The following NSMAF variants were observed in gnomAD, a reference collection of about 807,000 sequenced individuals.
The protein encoded by NSMAF is protein FAN.
A neutral mutation model predicts 134.9 loss-of-function variants in NSMAF; 90 were observed. That is an observed-to-expected ratio of 0.67 (90% CI 0.56 to 0.79). The LOEUF (loss-of-function observed/expected upper bound fraction) is 0.79, where lower values mean the gene tolerates loss of function less well. Ranked by LOEUF, NSMAF falls within the 30% of genes least tolerant of loss-of-function variation. The pLI, the probability that NSMAF is intolerant of heterozygous loss-of-function variation, is 0.00. For missense variants in NSMAF, 1,010 were observed against 1,119.0 expected, an observed-to-expected ratio of 0.90 and a Z score of 1.39; for synonymous variants, 358 against 389.6, an observed-to-expected ratio of 0.92 and a Z score of 0.96.
At chr8:58,603,547 A>G (rs1014707268) in intron 12 of NSMAF, among the ~76,000 whole-genome samples, 161 bp from the exon 13 acceptor site, 1 of 152,246 alleles carries the variant, frequency 6.6e-6, no homozygotes, top group Non-Finnish European at 1.5e-5. Flanking sequence ...GTATTTGTTC[A>G]GCTATGTATA....
At chr8:58,586,126 T>G (rs12679938) in intron 28 of NSMAF, 126 bp from the exon 29 acceptor site, 215,157 of 776,552 alleles carry the variant, frequency 0.28, 32,280 homozygotes, top group Non-Finnish European at 0.31. Flanking sequence ...TCCTTGTACT[T>G]AAGCAATGAC....
In NSMAF at chr8:58,586,451, T is replaced by C. The variant is rs200683520; in HGVS notation, c.2446+7A>G. 130 of 1,612,548 alleles carry C rather than the reference T, an allele frequency of 8.1e-5. No individual in the cohort carries two copies. Among genetic ancestry groups the C allele is most frequent in the South Asian group, 4.3e-4 (39 of 91,068 alleles). ...GTATTATCTGTTTTAAAAAGGATAA[T>C]ATCTACCTGGGCTAAAAGCAGTGTC... On this transcript the variant is annotated splice_region_variant and intron_variant, in intron 28 of 30. Transcript: ENST00000038176.
In NSMAF at chr8:58,585,715, CA is replaced by C. The variant is rs1171895122; in HGVS notation, c.2595del (p.Gly866ValfsTer24). On this transcript the variant is annotated frameshift_variant, in exon 30 of 31. Transcript: ENST00000038176. LOFTEE classifies it high-confidence loss of function. ...AGGAGGTCCCAAACGAGCAGTTCAC[CA>C]GACTGACTGCCAGATAAAACGGAAT... ...DGNSVLSGSQ[S>X]GELLVWDLLG... The C allele has an allele frequency of 1.2e-6, 2 of 1,614,146 alleles. No homozygotes were observed. The highest frequency in any genetic ancestry group is 1.7e-5 in the Admixed American group (1 of 60,020).
At chr8:58,640,054 G>C (rs1281677566) in intron 2 of NSMAF, 2 of 455,384 alleles carry the variant, frequency 4.4e-6, no homozygotes, top group African/African-American at 4.0e-5. Context: ...GGAAGAAATG[G>C]GGAGATGCTG....
At position 58,587,696 on chromosome 8, in the gene NSMAF, C is replaced by A. The variant is rs904248740; in HGVS notation, c.2217G>T (p.Trp739Cys). The A allele has an allele frequency of 8.1e-6, 13 of 1,613,864 alleles. No individual in the cohort carries two copies. Among genetic ancestry groups the A allele is most frequent in the Non-Finnish European group, 1.1e-5 (13 of 1,179,784 alleles). ...CTGGCATCTCTGCAGGAACACCAGA[C>A]CACACCTAGGATGGAACATATTGCA... ...SASWDSTVKV[W>C]SGVPAEMPGT... Residue 739 changes from tryptophan (W) to cysteine (C), a missense_variant, in exon 27 of 31, where the codon TGG becomes TGT. Transcript: ENST00000038176.
At chr8:58,654,556 AG>A (rs1311801158) in intron 1 of NSMAF, among the ~76,000 whole-genome samples, 5 of 149,714 alleles carry the variant, frequency 3.3e-5, no homozygotes, top group East Asian at 3.9e-4. Context: ...TTCTCAAAAA[AG>A]AAAAAAAGAA....
At position 58,583,847 on chromosome 8, in the gene NSMAF, AATC is replaced by A. The variant is rs1805823714; in HGVS notation, c.*256_*258del. 2.2e-6 allele frequency: 1 copy of A among 451,170 alleles called. No individual in the cohort carries two copies. The highest frequency in any genetic ancestry group is 4.6e-5 in the East Asian group (1 of 21,858). 27.9% of individuals were successfully genotyped at this position (451,170 alleles called of 1,614,324 possible). A position where few individuals can be genotyped will look rare whatever the true frequency, so the allele number is the denominator to read the frequency against. On this transcript the variant is annotated 3_prime_UTR_variant, in exon 31 of 31. Coordinates refer to ENST00000038176, the MANE Select transcript of NSMAF (RefSeq NM_003580.4). ...CTGCTACTTAGTCCTGTCTTCTGAC[AATC>A]ATCATACGGGGACGATCATCTGCCT...
In NSMAF at chr8:58,623,550, C is replaced by T. The variant is rs1320849021; in HGVS notation, c.457-126G>A. On this transcript the variant is annotated intron_variant, in intron 7 of 30. Transcript: ENST00000038176. ...AAGATTACTTCTGATATACCTATGG[C>T]TTCTTCCTAATATATAGTTTTTAAA... The T allele has an allele frequency of 5.5e-6, 6 of 1,090,156 alleles. No homozygotes were observed. In the African/African-American group the frequency reaches 6.3e-5, roughly 12 times the overall value. 67.5% of individuals were successfully genotyped at this position (1,090,156 alleles called of 1,614,324 possible).
intron 6 of NSMAF, among the ~76,000 whole-genome samples, chr8:58,625,770 T>C (rs1244056974): frequency 1.3e-5 from 2 of 152,212 alleles, no homozygotes; most frequent in Non-Finnish European, 2.9e-5. Context: ...GGGAGTTTGA[T>C]ATACTTAATT....
intron 9 of NSMAF, 101 bp from the exon 10 acceptor site, chr8:58,609,834 C>T (rs777393490): frequency 1.1e-5 from 11 of 1,029,240 alleles, no homozygotes; most frequent in Non-Finnish European, 1.6e-5. Flanking sequence ...TGACATTTGT[C>T]TAAACACTAC....
chr8:58,600,198 C>G (rs1806246777), intron 16 of NSMAF, 177 bp from the exon 17 acceptor site: 1 of 604,696 alleles, frequency 1.7e-6, no homozygotes, highest in Non-Finnish European at 2.9e-6. Context: ...CACTGGGGCC[C>G]AGAGAGTTTA....
At chr8:58,596,169 C>T (rs770317908) in intron 21 of NSMAF, among the ~76,000 whole-genome samples, 1 of 152,204 alleles carries the variant, frequency 6.6e-6, no homozygotes, top group Non-Finnish European at 1.5e-5. Flanking sequence ...GGTGACTAAG[C>T]AGAGTGCAGT....
At chr8:58,622,953 C>T (rs1307414657) in intron 9 of NSMAF, among the ~76,000 whole-genome samples, 1 of 152,044 alleles carries the variant, frequency 6.6e-6, no homozygotes, top group African/African-American at 2.4e-5. Flanking sequence ...TGGGAGGTGA[C>T]GGTGGCCTGA....
chr8:58,590,683 G>C (rs1243637024), intron 24 of NSMAF, among the ~76,000 whole-genome samples, 184 bp downstream of exon 24: 2 of 152,154 alleles, frequency 1.3e-5, no homozygotes, highest in Non-Finnish European at 2.9e-5. Context: ...AACAGTAAGA[G>C]AAAGTGGTAA....
chr8:58,656,779 A>G lies in NSMAF; in HGVS notation c.59+2794T>C, dbSNP rs184680123. 8.8e-3 allele frequency among the ~76,000 whole-genome samples: 1,345 copies of G among 152,112 alleles called. 21 individuals are homozygous for G. The highest frequency in any genetic ancestry group is 0.031 in the African/African-American group (1,266 of 41,496). On this transcript the variant is annotated intron_variant, in intron 1 of 30. Coordinates refer to ENST00000038176, the MANE Select transcript of NSMAF (RefSeq NM_003580.4). ...CAGGAGGCGGAGCTTGCAGTGAGCC[A>G]AGATCACGCCACTGCACTCCAGCCT...
At chr8:58,605,295 G>A (rs965796873) in intron 12 of NSMAF, among the ~76,000 whole-genome samples, 10 of 152,288 alleles carry the variant, frequency 6.6e-5, no homozygotes, top group Admixed American at 5.2e-4. Context: ...TCCTTTTGCA[G>A]TCTTTCAGCT....
chr8:58,654,081 T>TCGACA (rs1807647007), intron 1 of NSMAF, among the ~76,000 whole-genome samples: 1 of 152,230 alleles, frequency 6.6e-6, no homozygotes, highest in Admixed American at 6.5e-5. Flanking sequence ...ATAGATTTCT[T>TCGACA]GGGACCTATC....
chr8:58,659,107 G>T, intron 1 of NSMAF: 3 of 1,071,702 alleles, frequency 2.8e-6, no homozygotes, highest in South Asian at 3.6e-5. Flanking sequence ...GCCGCCCGGC[G>T]ACCAACTCTG....
chr8:58,648,982 C>T (rs1418611744), intron 1 of NSMAF, among the ~76,000 whole-genome samples: 1 of 152,236 alleles, frequency 6.6e-6, no homozygotes, highest in Non-Finnish European at 1.5e-5. Context: ...GGGCCACCTG[C>T]CCTCTAGACT....
Sources: gnomAD v4.1 joint callset for allele counts (sites outside exome capture counted in the v4.1 genomes callset) on GRCh38, gnomAD v4.1.1 for gene constraint, MANE v1.5 for transcripts, NCBI Gene and HGNC (gene_info 2026-07-23, HGNC 2026-07-21) for gene names.